The following CDH13 variants were observed in gnomAD, a reference collection of about 807,000 sequenced individuals.
The protein encoded by CDH13 is cadherin-13.
A neutral mutation model predicts 63.8 loss-of-function variants in CDH13; 24 were observed. The ratio of observed to expected loss-of-function variants is 0.38; its 90% CI spans 0.27 to 0.53. CDH13 has a LOEUF of 0.53. Ranked by LOEUF, CDH13 falls within the 20% of genes least tolerant of loss-of-function variation. The pLI is 0.85. For synonymous variants in CDH13, 503 were observed against 355.3 expected, an observed-to-expected ratio of 1.42 and a Z score of -4.67; for missense variants, 1,049 against 903.1, an observed-to-expected ratio of 1.16 and a Z score of -2.07.
intron 7 of CDH13, among the ~76,000 whole-genome samples, chr16:83,596,609 A>G (rs1273607729): frequency 3.3e-5 from 5 of 152,166 alleles, no homozygotes; most frequent in Admixed American, 2.6e-4. Context: ...TTAAAAATAC[A>G]TGTGTATATT....
chr16:83,275,806 G>A (rs761166870), intron 5 of CDH13, among the ~76,000 whole-genome samples: 8 of 152,092 alleles, frequency 5.3e-5, no homozygotes, highest in Non-Finnish European at 8.8e-5. Context: ...CCCGGATGCC[G>A]GGCACAGTGG....
rs2150751289 is a variant in CDH13 at position 83,602,490 on chromosome 16, G to A, written c.997G>A (p.Ala333Thr). The change falls in exon 8 of 14, where the codon GCT becomes ACT. Residue 333 changes from alanine to threonine, a missense_variant. By Grantham distance (58) the Ala-to-Thr change is moderately conservative. Coordinates refer to ENST00000567109, the MANE Select transcript of CDH13 (RefSeq NM_001257.5). ...TCCCAAGTATGAACTGATCATCGAGGCTCAAGATATGGCTGGACTGGATGT... is the reference window on the plus strand; with the variant it reads ...TCCCAAGTATGAACTGATCATCGAGACTCAAGATATGGCTGGACTGGATGT... ...ENPKYELIIEAQDMAGLDVGL... is the reference protein window; with the variant it reads ...ENPKYELIIETQDMAGLDVGL... 6.2e-7 allele frequency: 1 copy of A among 1,613,884 alleles called. No individual in the cohort carries two copies. The highest frequency in any genetic ancestry group is 8.5e-7 in the Non-Finnish European group (1 of 1,179,820).
chr16:83,433,545 C>T (rs2072193903), intron 6 of CDH13, among the ~76,000 whole-genome samples: 1 of 152,166 alleles, frequency 6.6e-6, no homozygotes, highest in South Asian at 2.1e-4. Context: ...GGCCTCACTC[C>T]CTGTGACTGC....
chr16:83,408,584 A>G (rs1247058188), intron 6 of CDH13, among the ~76,000 whole-genome samples: 2 of 152,242 alleles, frequency 1.3e-5, no homozygotes, highest in Admixed American at 6.5e-5. Flanking sequence ...GTATCCCTGT[A>G]TAGGAAAGCT....
chr16:83,625,349 C>T (rs963044487), intron 8 of CDH13, among the ~76,000 whole-genome samples: 1 of 152,168 alleles, frequency 6.6e-6, no homozygotes, highest in South Asian at 2.1e-4. Flanking sequence ...TTCCAAAGCT[C>T]CGCATGTACC....
chr16:83,595,680 A>C (rs1907184562), intron 7 of CDH13, among the ~76,000 whole-genome samples: 1 of 152,232 alleles, frequency 6.6e-6, no homozygotes, highest in African/African-American at 2.4e-5. Context: ...GAACCACACC[A>C]AGTACATAAC....
chr16:83,533,372 C>A (rs2075121709), intron 7 of CDH13, among the ~76,000 whole-genome samples: 1 of 152,140 alleles, frequency 6.6e-6, no homozygotes, highest in Non-Finnish European at 1.5e-5. Flanking sequence ...ACAGGGCATT[C>A]CCCAAAGACA....
At chr16:82,783,544 G>T (rs2035865030) in intron 1 of CDH13, among the ~76,000 whole-genome samples, 1 of 152,222 alleles carries the variant, frequency 6.6e-6, no homozygotes, top group Non-Finnish European at 1.5e-5. Flanking sequence ...CCCTGAGGAT[G>T]TAGAGAAAAA....
intron 1 of CDH13, among the ~76,000 whole-genome samples, chr16:82,807,899 T>C (rs1215492966): frequency 6.6e-6 from 1 of 152,230 alleles, no homozygotes; most frequent in East Asian, 1.9e-4. Context: ...ATATCTTGGG[T>C]AATTTTCAAA....
At chr16:83,255,771 C>T (rs563220594) in intron 5 of CDH13, among the ~76,000 whole-genome samples, 4 of 152,246 alleles carry the variant, frequency 2.6e-5, no homozygotes, top group African/African-American at 7.2e-5. Flanking sequence ...CCCAACTCTG[C>T]CTTTTCCTGA....
chr16:83,372,969 G>A (rs2091399685), intron 6 of CDH13, among the ~76,000 whole-genome samples: 1 of 152,080 alleles, frequency 6.6e-6, no homozygotes, highest in African/African-American at 2.4e-5. Context: ...CTTTATAGGA[G>A]ATGAACTGAA....
At chr16:82,851,432 C>G (rs2039477636) in intron 1 of CDH13, among the ~76,000 whole-genome samples, 1 of 37,810 alleles carries the variant, frequency 2.6e-5, no homozygotes, top group Non-Finnish European at 1.1e-4. Flanking sequence ...GAGATTTCGT[C>G]TCAAAAAAAA....
intron 2 of CDH13, among the ~76,000 whole-genome samples, chr16:82,962,967 T>A (rs1567698763): frequency 6.6e-6 from 1 of 152,182 alleles, no homozygotes; most frequent in Non-Finnish European, 1.5e-5. Context: ...GTGTAATTAT[T>A]TTTCTTCCTT....
chr16:83,237,682 T>A (rs1361064725), intron 5 of CDH13, among the ~76,000 whole-genome samples: 1 of 152,184 alleles, frequency 6.6e-6, no homozygotes, highest in African/African-American at 2.4e-5. Flanking sequence ...TTAACACCAA[T>A]TTTGCCTCTC....
intron 7 of CDH13, among the ~76,000 whole-genome samples, chr16:83,584,964 G>A (rs919705157): frequency 6.6e-6 from 1 of 152,084 alleles, no homozygotes; most frequent in Non-Finnish European, 1.5e-5. Context: ...ACTACTGTGG[G>A]GGTGGCACCA....
intron 5 of CDH13, among the ~76,000 whole-genome samples, chr16:83,302,307 T>C (rs1212318969): frequency 6.6e-6 from 1 of 152,166 alleles, no homozygotes; most frequent in Non-Finnish European, 1.5e-5. Flanking sequence ...TCTAAATCTG[T>C]AAAAGGGAAT....
At chr16:83,762,795 C>A (rs116444660) in intron 11 of CDH13, among the ~76,000 whole-genome samples, 1,733 of 152,238 alleles carry the variant, frequency 0.011, 34 homozygotes, top group African/African-American at 0.039. Context: ...GTGTAGGGTT[C>A]ATTGTTCCAT....
At chr16:82,870,307 G>A (rs111895160) in intron 2 of CDH13, among the ~76,000 whole-genome samples, 7 of 152,096 alleles carry the variant, frequency 4.6e-5, no homozygotes, top group South Asian at 2.1e-4. Context: ...TCCAAAAGAC[G>A]GGCAATCATG....
chr16:83,301,882 T>C (rs1056545133), intron 5 of CDH13, among the ~76,000 whole-genome samples: 1 of 152,024 alleles, frequency 6.6e-6, no homozygotes, highest in Non-Finnish European at 1.5e-5. Context: ...AGAGGGGTGC[T>C]CTGGTTCTTG....
Sources: allele counts gnomAD v4.1 joint callset (sites outside exome capture counted in the v4.1 genomes callset), GRCh38; gene constraint gnomAD v4.1.1; transcripts MANE v1.5; gene names NCBI Gene and HGNC (gene_info 2026-07-23, HGNC 2026-07-21).